The following SMARCE1 variants were observed in gnomAD, a reference collection of about 807,000 sequenced individuals.
SMARCE1 encodes the protein SWI/SNF-related matrix-associated actin-dependent regulator of chromatin subfamily E member 1.
In SMARCE1, 13 loss-of-function variants were observed where a neutral mutation model predicts 54.9. The observed-to-expected ratio is 0.24, with a 90% CI of 0.15 to 0.38. SMARCE1 has a LOEUF of 0.38. Ranked by LOEUF, SMARCE1 falls within the 10% of genes least tolerant of loss-of-function variation. SMARCE1 has a pLI of 1.00. For synonymous variants in SMARCE1, 151 were observed against 175.3 expected, an observed-to-expected ratio of 0.86 and a Z score of 1.10; for missense variants, 295 against 523.8, an observed-to-expected ratio of 0.56 and a Z score of 4.26.
Position 40,630,818 on chromosome 17 carries a change from G to A in SMARCE1, c.923C>T (p.Ala308Val). Residue 308 changes from alanine to valine, a missense_variant, in exon 10 of 11, where the codon GCA (alanine) becomes GTA (valine). By Grantham distance (64) the Ala-to-Val change is moderately conservative. This residue lies in a region of SMARCE1 where 147 missense variants were observed against 161.4 expected (regional missense o/e 0.91). Coordinates refer to ENST00000348513, the MANE Select transcript of SMARCE1 (RefSeq NM_003079.5). The part of the protein sequence containing the change: ...KRQEEREKEA[A>V]EQAERSQSSI... ...GCTCTGACTGCGCTCAGCTTGCTCT[G>A]CGGCCTCCTTCTCCCTTTCCTCCTG... 6.2e-7 allele frequency: 1 copy of A among 1,614,000 alleles called. No individual in the cohort carries two copies. Among genetic ancestry groups the A allele is most frequent in the Non-Finnish European group, 8.5e-7 (1 of 1,179,994 alleles).
chr17:40,629,265 T>G, intron 10 of SMARCE1: 1 of 412,402 alleles, frequency 2.4e-6, no homozygotes, highest in Non-Finnish European at 4.3e-6. Context: ...TTGAGATGTG[T>G]ATAAAGACTG....
rs529843349 is a variant in SMARCE1, at chr17:40,625,661, T to C, written c.*3124A>G. 30 of 152,336 alleles carry C rather than the reference T, an allele frequency of 2.0e-4. No individual in the cohort carries two copies. Among genetic ancestry groups the C allele is most frequent in the African/African-American group, 7.2e-4 (30 of 41,574 alleles). 9.4% of individuals were successfully genotyped at this position (152,336 alleles called of 1,614,324 possible). ...CCAACTGTCTAAAATCCAAAACTAG[T>C]ATCTAAATGTGTAGGATCAAAACCA... On this transcript the variant is annotated 3_prime_UTR_variant, in exon 11 of 11. Transcript: ENST00000348513.
intron 7 of SMARCE1, 60 bp from the exon 8 acceptor site, chr17:40,632,427 C>T: frequency 7.0e-7 from 1 of 1,431,420 alleles, no homozygotes; most frequent in East Asian, 2.3e-5. Context: ...AGGAGTGTAA[C>T]AATGTTAACA....
intron 1 of SMARCE1, among the ~76,000 whole-genome samples, chr17:40,646,797 A>G (rs1270674814): frequency 6.6e-6 from 1 of 152,194 alleles, no homozygotes; most frequent in Non-Finnish European, 1.5e-5. Context: ...AACATGTGGA[A>G]TAGATCTGAT....
intron 4 of SMARCE1, chr17:40,640,486 T>G (rs983938789): frequency 1.3e-5 from 2 of 152,212 alleles, no homozygotes; most frequent in African/African-American, 4.8e-5. Flanking sequence ...GATTCGTTCC[T>G]TGAAAACCAC....
intron 7 of SMARCE1, chr17:40,632,718 C>A: frequency 5.0e-6 from 1 of 200,802 alleles, no homozygotes. Flanking sequence ...ATGTTTCACT[C>A]TCTTGGTAGT....
chr17:40,630,152 G>A, intron 10 of SMARCE1: 2 of 885,906 alleles, frequency 2.3e-6, no homozygotes, highest in East Asian at 2.6e-5. Flanking sequence ...GACGATCAAT[G>A]TAATCAGTAC....
At chr17:40,638,890 C>G (rs1053889479) in intron 4 of SMARCE1, among the ~76,000 whole-genome samples, 13 of 152,122 alleles carry the variant, frequency 8.5e-5, no homozygotes, top group African/African-American at 2.7e-4. Flanking sequence ...CAATCATAAC[C>G]TTATTTTTCA....
At chr17:40,637,997 C>A (rs1425539875) in intron 4 of SMARCE1, among the ~76,000 whole-genome samples, 1 of 152,194 alleles carries the variant, frequency 6.6e-6, no homozygotes, top group Non-Finnish European at 1.5e-5. Context: ...ACACTGTCTA[C>A]AGGGGCCTTA....
intron 1 of SMARCE1, 52 bp from the exon 2 acceptor site, chr17:40,645,899 T>C (rs2037250392): frequency 1.8e-6 from 1 of 558,306 alleles, no homozygotes; most frequent in East Asian, 3.5e-5. Flanking sequence ...TCAGCAAGCA[T>C]ACGAGAATGT....
At chr17:40,632,411 A>G (rs768731226) in intron 7 of SMARCE1, 44 bp from the exon 8 acceptor site, 26 of 1,555,410 alleles carry the variant, frequency 1.7e-5, no homozygotes, top group African/African-American at 2.7e-5. Flanking sequence ...ACCAGTAACC[A>G]TAAAAAGGAG....
intron 9 of SMARCE1, 185 bp from the exon 10 acceptor site, chr17:40,631,109 G>GA (rs1177752146): frequency 1.8e-6 from 1 of 564,460 alleles, no homozygotes; most frequent in Admixed American, 3.3e-5. Flanking sequence ...GGGTCTACAA[G>GA]AAAAAACAGC....
At chr17:40,634,498 C>A (rs2037127164) in intron 7 of SMARCE1, 1 of 152,192 alleles carries the variant, frequency 6.6e-6, no homozygotes, top group Non-Finnish European at 1.5e-5. Flanking sequence ...GCAGATGCCA[C>A]CTTTCTGTTA....
chr17:40,635,198 A>G (rs1005457079), intron 7 of SMARCE1: 17 of 151,634 alleles, frequency 1.1e-4, no homozygotes, highest in African/African-American at 4.1e-4. Context: ...GCTTGCAGCT[A>G]AAGCTTCTAA....
Position 40,630,418 on chromosome 17 carries a change from C to T in SMARCE1, c.1027+296G>A, listed in dbSNP as rs2037081155. ...GTAAACAAACAAGTGTGGCTGTGTT[C>T]CAGTTTTATTTACAAAAACAAGTGG... is the stretch of plus-strand genomic sequence containing the variant. On this transcript the variant is annotated intron_variant, in intron 10 of 10. Transcript: ENST00000348513. The T allele has an allele frequency of 4.7e-6, 3 of 642,980 alleles. No homozygotes were observed. The South Asian group carries it at 5.8e-5, about 12-fold the overall frequency. 39.8% of individuals were successfully genotyped at this position (642,980 alleles called of 1,614,324 possible).
rs188190832 is a variant in SMARCE1 at position 40,625,283 on chromosome 17, T to C, written c.*3502A>G. 1 of 152,374 alleles carries C rather than the reference T, an allele frequency of 6.6e-6. No homozygotes were observed. Among genetic ancestry groups the C allele is most frequent in the Non-Finnish European group, 1.5e-5 (1 of 68,034 alleles). The allele number at this position is 152,374 out of a possible 1,614,324, so 9.4% of individuals were successfully genotyped here. ...TTCCATCCTGATCAAAGAAACATTA[T>C]TGCAGTAAGCCACATTATAATTCAG... On this transcript the variant is annotated 3_prime_UTR_variant, in exon 11 of 11. Transcript: ENST00000348513.
At chr17:40,631,807 C>CT (rs1384850901) in intron 8 of SMARCE1, 114 bp from the exon 9 acceptor site, 2 of 632,806 alleles carry the variant, frequency 3.2e-6, no homozygotes, top group Non-Finnish European at 5.6e-6. Context: ...ATGAGTCTAG[C>CT]TAAGATTTAA....
At chr17:40,637,599 A>G in intron 4 of SMARCE1, 27 bp from the exon 5 acceptor site, 1 of 1,577,070 alleles carries the variant, frequency 6.3e-7, no homozygotes, top group Non-Finnish European at 8.7e-7. Context: ...TACATTCATT[A>G]TTCAACTGTA....
At chr17:40,639,025 A>G (rs1025964265) in intron 4 of SMARCE1, among the ~76,000 whole-genome samples, 7 of 152,150 alleles carry the variant, frequency 4.6e-5, no homozygotes, top group Admixed American at 3.9e-4. Context: ...TCGCCTTGGA[A>G]GCAGTATTTC....
Sources: gnomAD v4.1 joint callset for allele counts (sites outside exome capture counted in the v4.1 genomes callset) on GRCh38, gnomAD v4.1.1 for gene constraint, gnomAD v4.1.1 regional missense constraint, MANE v1.5 for transcripts, NCBI Gene and HGNC (gene_info 2026-07-23, HGNC 2026-07-21) for gene names.